PCDH15: variants seen among roughly 807,000 people sequenced by gnomAD.
PCDH15 encodes the protein protocadherin related 15.
PCDH15 carries 129 observed loss-of-function variants against 178.5 expected under a neutral mutation model. That is an observed-to-expected ratio of 0.72 (90% confidence interval 0.63 to 0.84). The LOEUF (loss-of-function observed/expected upper bound fraction) is 0.84. PCDH15 is among the 40% of genes least tolerant of loss of function. PCDH15 has a pLI of 0.00. For missense variants in PCDH15, 2,230 were observed against 2,099.9 expected, an observed-to-expected ratio of 1.06 and a Z score of -1.21; for synonymous variants, 800 against 732.0, an observed-to-expected ratio of 1.09 and a Z score of -1.50.
intron 3 of PCDH15, among the ~76,000 whole-genome samples, chr10:54,483,491 A>G (rs2078869330): frequency 6.6e-6 from 1 of 151,856 alleles, no homozygotes; most frequent in Non-Finnish European, 1.5e-5. Context: ...TCAGCTCCTA[A>G]TACTTCTCAT....
intron 25 of PCDH15, among the ~76,000 whole-genome samples, chr10:53,924,219 C>T (rs995316903): frequency 5.3e-5 from 8 of 152,190 alleles, no homozygotes; most frequent in African/African-American, 2.4e-5. Context: ...GCATGTGGCG[C>T]TCGCGAGCCA....
chr10:55,345,141 G>GTCTC (rs764374706), intron 2 of PCDH15, among the ~76,000 whole-genome samples: 3 of 150,824 alleles, frequency 2.0e-5, no homozygotes, highest in South Asian at 4.2e-4. Flanking sequence ...GTGTGTGTGT[G>GTCTC]TCTCTCTCTC....
chr10:55,573,062 T>C (rs997375434), intron 2 of PCDH15, among the ~76,000 whole-genome samples: 5 of 152,072 alleles, frequency 3.3e-5, no homozygotes, highest in African/African-American at 1.2e-4. Context: ...GAGGCATAAG[T>C]GGAAAACACC....
intron 1 of PCDH15, among the ~76,000 whole-genome samples, chr10:54,766,210 T>C (rs56140035): frequency 0.11 from 16,505 of 151,998 alleles, 1,170 homozygotes; most frequent in Middle Eastern, 0.18. Flanking sequence ...ATAGAACTTA[T>C]GAAAGAGAAA....
intron 20 of PCDH15, among the ~76,000 whole-genome samples, chr10:54,011,050 G>C (rs958470135): frequency 6.6e-6 from 1 of 152,118 alleles, no homozygotes; most frequent in Non-Finnish European, 1.5e-5. Context: ...AGCCCAGACT[G>C]TCCTCCCTGT....
chr10:53,875,614 T>TA (rs540940962), intron 26 of PCDH15, among the ~76,000 whole-genome samples: 8 of 146,720 alleles, frequency 5.5e-5, no homozygotes, highest in Non-Finnish European at 1.1e-4. Flanking sequence ...GTGAACAAAA[T>TA]AAAAAAAAAA....
At chr10:55,574,714 G>T (rs1200168248) in intron 2 of PCDH15, among the ~76,000 whole-genome samples, 1 of 151,864 alleles carries the variant, frequency 6.6e-6, no homozygotes, top group African/African-American at 2.4e-5. Context: ...TAGTATTTTT[G>T]ACAGAACCAA....
At chr10:54,298,408 C>A (rs1185710723) in intron 8 of PCDH15, among the ~76,000 whole-genome samples, 1 of 152,186 alleles carries the variant, frequency 6.6e-6, no homozygotes, top group Non-Finnish European at 1.5e-5. Context: ...AGAAAGACTG[C>A]AGCCTTAGTC....
At chr10:54,247,638 G>T (rs978986481) in intron 8 of PCDH15, among the ~76,000 whole-genome samples, 1 of 151,736 alleles carries the variant, frequency 6.6e-6, no homozygotes, top group Admixed American at 6.6e-5. Flanking sequence ...CATTGAGATG[G>T]CCTTTTGGGG....
At chr10:54,596,541 C>A (rs948690876) in intron 2 of PCDH15, among the ~76,000 whole-genome samples, 10 of 152,034 alleles carry the variant, frequency 6.6e-5, no homozygotes, top group African/African-American at 2.4e-4. Flanking sequence ...TATAAAGCAA[C>A]CAAACAAGTC....
intron 13 of PCDH15, among the ~76,000 whole-genome samples, chr10:54,170,331 G>T (rs1184102823): frequency 6.6e-6 from 1 of 151,946 alleles, no homozygotes; most frequent in Non-Finnish European, 1.5e-5. Flanking sequence ...CAAGAGCCAG[G>T]ACCACACCCT....
chr10:54,393,145 G>A (rs1178888974), intron 3 of PCDH15, among the ~76,000 whole-genome samples: 3 of 152,034 alleles, frequency 2.0e-5, no homozygotes, highest in Non-Finnish European at 4.4e-5. Flanking sequence ...AATAAAATCA[G>A]CCTTACTACA....
chr10:55,240,028 AGG>A (rs1234118674), intron 1 of PCDH15, among the ~76,000 whole-genome samples: 3 of 152,170 alleles, frequency 2.0e-5, no homozygotes, highest in Non-Finnish European at 4.4e-5. Context: ...ATCCAAAAAC[AGG>A]CAACAATGAA....
intron 2 of PCDH15, among the ~76,000 whole-genome samples, chr10:55,397,880 C>T (rs1588987084): frequency 6.6e-6 from 1 of 152,124 alleles, no homozygotes. Context: ...TGAGCCACCA[C>T]GCCTGGCCTG....
chr10:53,967,525 G>T (rs889524216), intron 21 of PCDH15, among the ~76,000 whole-genome samples: 1 of 152,088 alleles, frequency 6.6e-6, no homozygotes, highest in African/African-American at 2.4e-5. Flanking sequence ...TTTCAGTTTG[G>T]CCTCCCAAAG....
At chr10:55,079,001 T>A (rs1050701289) in intron 2 of PCDH15, among the ~76,000 whole-genome samples, 1 of 152,150 alleles carries the variant, frequency 6.6e-6, no homozygotes, top group African/African-American at 2.4e-5. Flanking sequence ...TTGGAAAATT[T>A]CTCATTGTTT....
chr10:54,989,003 C>T (rs1477122869), intron 2 of PCDH15, among the ~76,000 whole-genome samples: 1 of 152,148 alleles, frequency 6.6e-6, no homozygotes, highest in Admixed American at 6.5e-5. Flanking sequence ...AGCCTAGGGA[C>T]TTGGTGCCCT....
At position 54,179,336 on chromosome 10, in the gene PCDH15, G is replaced by A. The variant is rs538707414; in HGVS notation, c.1590+4108C>T. On this transcript the variant is annotated intron_variant, in intron 13 of 37. Transcript: ENST00000644397. The stretch of plus-strand genomic sequence containing the variant: ...TCACAAGGACAAAAAACCAAACACC[G>A]CATGTTCTCACTCATAGGTGGGAAT... 2.3e-4 allele frequency among the ~76,000 whole-genome samples: 34 copies of A among 148,734 alleles called. No individual in the cohort carries two copies. The East Asian group carries it at 5.5e-3, about 24-fold the overall frequency.
chr10:55,029,069 T>C lies in PCDH15; in HGVS notation c.-79-131569A>G, dbSNP rs572335453. Among the ~76,000 whole-genome samples, 5 of 152,102 alleles carry C rather than the reference T, an allele frequency of 3.3e-5. No homozygotes were observed. In the South Asian group the frequency reaches 6.2e-4, roughly 19 times the overall value. On this transcript the variant is annotated intron_variant, in intron 2 of 5. Transcript: ENST00000458638. ...AATAAGGAGAGTGAGACTTGAGTGA[T>C]TGAGTAACTTGCTGTAAGTTGCCCT...
Sources: allele counts gnomAD v4.1 joint callset (sites outside exome capture counted in the v4.1 genomes callset), GRCh38; gene constraint gnomAD v4.1.1; transcripts MANE v1.5; gene names NCBI Gene and HGNC (gene_info 2026-07-23, HGNC 2026-07-21).